Variants in AFF4 observed in about 807,000 individuals in gnomAD.
The protein encoded by AFF4 is AF4/FMR2 family member 4.
A neutral mutation model predicts 124.8 loss-of-function variants in AFF4; 13 were observed. The ratio of observed to expected loss-of-function variants is 0.10; its 90% CI spans 0.07 to 0.17. AFF4 has a LOEUF of 0.17. Among genes scored for constraint, AFF4 ranks in the 10% least tolerant of loss-of-function variants. The pLI is 1.00. For missense variants in AFF4, 1,092 were observed against 1,403.8 expected (o/e 0.78, Z 3.55); for synonymous variants, 477 against 496.1 (o/e 0.96, Z 0.51).
At chr5:132,916,708 C>T (rs992838395) in intron 5 of AFF4, among the ~76,000 whole-genome samples, 2 of 152,090 alleles carry the variant, frequency 1.3e-5, no homozygotes, top group South Asian at 2.1e-4. Context: ...CTGTTATTGA[C>T]TTGCTGTGTG....
intron 5 of AFF4, among the ~76,000 whole-genome samples, chr5:132,908,568 T>C (rs1282616364): frequency 6.6e-6 from 1 of 151,810 alleles, no homozygotes; most frequent in Non-Finnish European, 1.5e-5. Flanking sequence ...TTTTAGCAAA[T>C]AGGTTCAAAC....
At chr5:132,890,029 C>T (rs559312980) in intron 13 of AFF4, among the ~76,000 whole-genome samples, 51 of 152,026 alleles carry the variant, frequency 3.4e-4, no homozygotes, top group African/African-American at 1.1e-3. Context: ...TTTAATAAAA[C>T]GAATATACAT....
chr5:132,950,717 T>G (rs1040949939), intron 1 of AFF4, among the ~76,000 whole-genome samples: 12 of 152,106 alleles, frequency 7.9e-5, no homozygotes, highest in Admixed American at 7.9e-4. Context: ...CCATCAACTT[T>G]CAAACTATCA....
intron 7 of AFF4, among the ~76,000 whole-genome samples, 193 bp downstream of exon 7, chr5:132,902,249 C>T (rs1383709329): frequency 2.6e-5 from 4 of 152,026 alleles, no homozygotes; most frequent in Admixed American, 6.6e-5. Context: ...GGTTTCACCA[C>T]GTTGGCCAGG....
At chr5:132,940,786 G>C (rs2150103578) in intron 1 of AFF4, among the ~76,000 whole-genome samples, 1 of 152,152 alleles carries the variant, frequency 6.6e-6, no homozygotes, top group Admixed American at 6.5e-5. Flanking sequence ...CAGCACTTTG[G>C]GAGGCCGAGG....
Position 132,887,827 on chromosome 5 carries a change from G to A in AFF4, c.2933+19C>T, listed in dbSNP as rs1390226597. 6.2e-7 allele frequency: 1 copy of A among 1,610,954 alleles called. No individual in the cohort carries two copies. The highest frequency in any genetic ancestry group is 1.7e-5 in the Admixed American group (1 of 59,476). On this transcript the variant is annotated intron_variant, in intron 16 of 20. Coordinates refer to ENST00000265343, the MANE Select transcript of AFF4 (RefSeq NM_014423.4). The stretch of plus-strand genomic sequence containing the variant: ...GAAATAATGTTATTGCCAATGATCT[G>A]CCAAGTTTTTCCACTTACTTGATGA...
In AFF4 at chr5:132,885,112, T is replaced by C. The variant is rs754955298; in HGVS notation, c.3107A>G (p.Tyr1036Cys). ...AGGCGATGGTGCTTGAGAATTATTA[T>C]AAGAATTCTGTGGAAAAAGTAAAAT... ...KTLTEHLKNS[Y>C]NNSQAPSPGL... is the part of the protein sequence containing the mutation. The change falls in exon 19 of 21, where the codon TAT (tyrosine) becomes TGT (cysteine). Residue 1036 changes from tyrosine to cysteine, a missense_variant. Tyr to Cys is a radical substitution (Grantham distance 194). Coordinates refer to ENST00000265343, the MANE Select transcript of AFF4 (RefSeq NM_014423.4). 6.3e-7 allele frequency: 1 copy of C among 1,595,478 alleles called. No individual in the cohort carries two copies. Among genetic ancestry groups the C allele is most frequent in the Non-Finnish European group, 8.5e-7 (1 of 1,171,702 alleles).
Position 132,924,578 on chromosome 5 carries a change from C to T in AFF4, c.1050+2543G>A, listed in dbSNP as rs1308468884. ...ATCAAAACTCAAACTGCAGGCTGGG[C>T]GCGGTGGCTCACGCCTGTTAATCCC... On this transcript the variant is annotated intron_variant, in intron 5 of 20. Coordinates refer to ENST00000265343, the MANE Select transcript of AFF4 (RefSeq NM_014423.4). Among the ~76,000 whole-genome samples the T allele has an allele frequency of 2.6e-5, 4 of 152,214 alleles. No individual in the cohort carries two copies. The East Asian group carries it at 7.7e-4, about 29-fold the overall frequency.
At chr5:132,942,431 G>A (rs1237468885) in intron 1 of AFF4, among the ~76,000 whole-genome samples, 1 of 151,240 alleles carries the variant, frequency 6.6e-6, no homozygotes, top group Non-Finnish European at 1.5e-5. Context: ...TTACCTTTCT[G>A]GAAGCCCCCT....
intron 1 of AFF4, among the ~76,000 whole-genome samples, chr5:132,951,000 A>G (rs1474499663): frequency 6.6e-6 from 1 of 152,200 alleles, no homozygotes; most frequent in Non-Finnish European, 1.5e-5. Flanking sequence ...TAAGACGGGC[A>G]GATCACTTGA....
At chr5:132,901,594 T>C (rs1285075183) in intron 7 of AFF4, among the ~76,000 whole-genome samples, 2 of 152,190 alleles carry the variant, frequency 1.3e-5, no homozygotes, top group Non-Finnish European at 2.9e-5. Flanking sequence ...ATCCAATACA[T>C]TACCCTGTTA....
At chr5:132,889,014 G>T in intron 14 of AFF4, 65 bp downstream of exon 14, 2 of 1,466,240 alleles carry the variant, frequency 1.4e-6, no homozygotes, top group East Asian at 4.6e-5. Flanking sequence ...AAATGAAAAT[G>T]AGTTTCTTAT....
intron 1 of AFF4, among the ~76,000 whole-genome samples, chr5:132,955,233 G>A (rs1761926136): frequency 1.3e-5 from 2 of 152,076 alleles, no homozygotes; most frequent in Non-Finnish European, 2.9e-5. Context: ...AGTTTTTATG[G>A]GTACAGGGTG....
intron 20 of AFF4, among the ~76,000 whole-genome samples, chr5:132,881,666 C>A (rs1016658917): frequency 6.6e-6 from 1 of 152,108 alleles, no homozygotes; most frequent in African/African-American, 2.4e-5. Flanking sequence ...CATGAACCAA[C>A]TGATAACTAA....
At chr5:132,904,037 C>T (rs965359016) in intron 6 of AFF4, 2 of 189,242 alleles carry the variant, frequency 1.1e-5, no homozygotes, top group Non-Finnish European at 2.2e-5. Context: ...AGGTGGATCA[C>T]TTGAGCTCAG....
chr5:132,915,165 C>G (rs1456392859), intron 5 of AFF4, among the ~76,000 whole-genome samples: 2 of 151,998 alleles, frequency 1.3e-5, no homozygotes, highest in Admixed American at 1.3e-4. Flanking sequence ...CACAGTGAAA[C>G]CCTGTCTCTA....
chr5:132,920,382 G>T (rs1282634318), intron 5 of AFF4, among the ~76,000 whole-genome samples: 1 of 140,048 alleles, frequency 7.1e-6, no homozygotes. Context: ...TTTGAGACAA[G>T]GTCTCACTCT....
intron 1 of AFF4, among the ~76,000 whole-genome samples, 180 bp downstream of exon 1, chr5:132,963,079 G>A (rs1581347172): frequency 6.6e-6 from 1 of 152,122 alleles, no homozygotes; most frequent in Non-Finnish European, 1.5e-5. Flanking sequence ...TATCTTTGCG[G>A]GAAGGTGGTG....
chr5:132,920,852 G>T (rs1295610315), intron 5 of AFF4, among the ~76,000 whole-genome samples: 1 of 152,150 alleles, frequency 6.6e-6, no homozygotes, highest in East Asian at 1.9e-4. Context: ...TTCAGGCCGG[G>T]CGCAGTGGCT....
Sources: gnomAD v4.1 joint callset for allele counts (sites outside exome capture counted in the v4.1 genomes callset) on GRCh38, gnomAD v4.1.1 for gene constraint, MANE v1.5 for transcripts, NCBI Gene and HGNC (gene_info 2026-07-23, HGNC 2026-07-21) for gene names.